The following KRAS variants were observed in gnomAD, a reference collection of about 807,000 sequenced individuals.
KRAS encodes the protein KRas proto-oncogene, GTPase, also known as GTPase KRas.
Under a neutral mutation model 21.0 loss-of-function variants are expected in KRAS, and 1 was observed. The ratio of observed to expected loss-of-function variants is 0.05; its 90% confidence interval spans 0.02 to 0.23. The LOEUF is 0.23. Ranked by LOEUF, KRAS falls within the 10% of genes least tolerant of loss-of-function variation. The probability of loss-of-function intolerance (pLI) is 1.00; values close to 1 mark genes in which losing one functional copy is unlikely to be tolerated. For synonymous variants in KRAS, 67 were observed against 72.5 expected (o/e 0.92, Z 0.39); for missense variants, 107 against 221.8 (o/e 0.48, Z 3.29).
chr12:25,241,702 T>C (rs1951612489), intron 2 of KRAS, among the ~76,000 whole-genome samples: 1 of 152,168 alleles, frequency 6.6e-6, no homozygotes, highest in Non-Finnish European at 1.5e-5. Context: ...AAGTTTAATA[T>C]TAGGTTGGTG....
intron 1 of KRAS, among the ~76,000 whole-genome samples, chr12:25,249,046 T>C (rs1455980100): frequency 6.6e-6 from 1 of 152,242 alleles, no homozygotes; most frequent in African/African-American, 2.4e-5. Flanking sequence ...TGATTTCTAT[T>C]ATAAACATAA....
At chr12:25,245,444 A>G (rs958813374) in intron 1 of KRAS, 49 bp from the exon 2 acceptor site, 1 of 1,515,192 alleles carries the variant, frequency 6.6e-7, no homozygotes, top group East Asian at 2.4e-5. Context: ...CATGTCACAC[A>G]TAAGGTTAAT....
chr12:25,224,027 T>C (rs935403434), intron 4 of KRAS, among the ~76,000 whole-genome samples: 5 of 152,044 alleles, frequency 3.3e-5, no homozygotes, highest in African/African-American at 9.7e-5. Context: ...TAAAAGTTCC[T>C]ATTGCTTAGT....
chr12:25,215,739 T>C (rs1236549422), intron 4 of KRAS, among the ~76,000 whole-genome samples: 2 of 152,104 alleles, frequency 1.3e-5, no homozygotes, highest in African/African-American at 4.8e-5. Context: ...AGAATCCTGG[T>C]TTGTTCTTAA....
In KRAS at chr12:25,213,597, T is replaced by C. The variant is rs147444716; in HGVS notation, c.451-3686A>G. On this transcript the variant is annotated intron_variant, in intron 4 of 4. Transcript: ENST00000311936. ...TTTGTTTCTGAGTTTAGTAGATTAGTACACCACGTAGTATCTTTTGGGATT... is the reference window on the plus strand; with the variant it reads ...TTTGTTTCTGAGTTTAGTAGATTAGCACACCACGTAGTATCTTTTGGGATT... Among the ~76,000 whole-genome samples the C allele has an allele frequency of 6.3e-4, 96 of 152,352 alleles. 2 individuals carry two copies. Among genetic ancestry groups the C allele is most frequent in the Middle Eastern group, 6.8e-3 (2 of 294 alleles).
intron 1 of KRAS, among the ~76,000 whole-genome samples, chr12:25,248,761 C>A (rs1592827026): frequency 6.6e-6 from 1 of 152,032 alleles, no homozygotes; most frequent in Non-Finnish European, 1.5e-5. Flanking sequence ...AAGGAGTGGA[C>A]TGGACTCGAA....
At chr12:25,225,576 G>A (rs374667837) in intron 4 of KRAS, 38 bp downstream of exon 4, 3 of 1,586,612 alleles carry the variant, frequency 1.9e-6, no homozygotes, top group Middle Eastern at 1.8e-4. Flanking sequence ...TTATGATTTT[G>A]CAGAAAACAG....
In KRAS at chr12:25,241,348, A is replaced by C. The variant is rs146813978; in HGVS notation, c.111+3926T>G. 2.0e-5 allele frequency among the ~76,000 whole-genome samples: 3 copies of C among 152,338 alleles called. No homozygotes were observed. In the East Asian group the frequency reaches 5.8e-4, roughly 29 times the overall value. On this transcript the variant is annotated intron_variant, in intron 2 of 4. Transcript: ENST00000311936. ...ACTTAGGATTTCACTGTTACTTGTT[A>C]TAAAGCAAATAATTTGACCAGTAGA...
At chr12:25,213,148 C>T (rs1057508943) in intron 4 of KRAS, among the ~76,000 whole-genome samples, 1 of 152,084 alleles carries the variant, frequency 6.6e-6, no homozygotes, top group Non-Finnish European at 1.5e-5. Flanking sequence ...ATTACTTCCA[C>T]GTGTACTGAA....
At chr12:25,211,967 G>A (rs1049145350) in intron 4 of KRAS, among the ~76,000 whole-genome samples, 10 of 152,196 alleles carry the variant, frequency 6.6e-5, no homozygotes, top group African/African-American at 2.4e-4. Context: ...TAATTTATCA[G>A]CAATACAATA....
At chr12:25,217,072 T>A (rs1399820994) in intron 4 of KRAS, among the ~76,000 whole-genome samples, 2 of 152,218 alleles carry the variant, frequency 1.3e-5, no homozygotes, top group Non-Finnish European at 2.9e-5. Flanking sequence ...CATCAATGTT[T>A]CTACTGAACC....
intron 1 of KRAS, among the ~76,000 whole-genome samples, chr12:25,248,203 G>A (rs1262083457): frequency 6.6e-6 from 1 of 151,234 alleles, no homozygotes; most frequent in African/African-American, 2.4e-5. Flanking sequence ...GTGGTGGCCT[G>A]TAATCCCAGC....
At chr12:25,247,147 TAAG>T (rs1169609318) in intron 1 of KRAS, among the ~76,000 whole-genome samples, 7 of 152,072 alleles carry the variant, frequency 4.6e-5, no homozygotes, top group Non-Finnish European at 1.0e-4. Flanking sequence ...TAATTATAAA[TAAG>T]GAGAGAAATG....
At chr12:25,218,471 T>C (rs1368193709) in intron 4 of KRAS, among the ~76,000 whole-genome samples, 1 of 152,120 alleles carries the variant, frequency 6.6e-6, no homozygotes, top group Non-Finnish European at 1.5e-5. Context: ...GAAGAGATTA[T>C]TATCCACCAC....
intron 4 of KRAS, among the ~76,000 whole-genome samples, chr12:25,218,986 C>T (rs1053213183): frequency 1.3e-5 from 2 of 150,448 alleles, no homozygotes; most frequent in Non-Finnish European, 2.9e-5. Flanking sequence ...GCCGCCCAGG[C>T]TGGACTGCAG....
chr12:25,218,912 GTTTT>G (rs972152272), intron 4 of KRAS, among the ~76,000 whole-genome samples: 8 of 109,362 alleles, frequency 7.3e-5, no homozygotes, highest in African/African-American at 2.2e-4. Flanking sequence ...TTTTGTGGGG[GTTTT>G]TTGTTTTTTT....
chr12:25,225,647 A>G lies in KRAS; in HGVS notation c.417T>C (p.Ile139=), dbSNP rs1555193843. ...QAQDLARSYG[I]PFIETSAKTR... ...TCTTTGCTGATGTTTCAATAAAAGG[A>G]ATTCCATAACTTCTTGCTAAGTCCT... Residue 139 remains isoleucine (I), a synonymous_variant, in exon 4 of 5, where the codon ATT becomes ATC. Coordinates refer to ENST00000311936, the MANE Select transcript of KRAS (RefSeq NM_004985.5). 6.2e-7 allele frequency: 1 copy of G among 1,613,144 alleles called. No homozygotes were observed. The highest frequency in any genetic ancestry group is 1.3e-5 in the African/African-American group (1 of 74,892).
chr12:25,242,717 G>A (rs771849106), intron 2 of KRAS, among the ~76,000 whole-genome samples: 11 of 152,102 alleles, frequency 7.2e-5, no homozygotes, highest in Non-Finnish European at 1.0e-4. Context: ...TTACAAATCT[G>A]AATTAGTCTC....
chr12:25,227,426 AAC>A lies in KRAS; in HGVS notation c.112-16_112-15del, dbSNP rs1258096737. The A allele has an allele frequency of 2.5e-6, 4 of 1,613,080 alleles. No homozygotes were observed. Among genetic ancestry groups the A allele is most frequent in the African/African-American group, 2.7e-5 (2 of 74,900 alleles). ...CCTGTAGGAATCCTGAGAAGGGAGA[AAC>A]ACAGTCTGGATTATTACAGTGCACC... On this transcript the variant is annotated splice_polypyrimidine_tract_variant and intron_variant, in intron 2 of 4. Coordinates refer to ENST00000311936, the MANE Select transcript of KRAS (RefSeq NM_004985.5).
Sources: allele counts gnomAD v4.1 joint callset (sites outside exome capture counted in the v4.1 genomes callset), GRCh38; gene constraint gnomAD v4.1.1; transcripts MANE v1.5; gene names NCBI Gene and HGNC (gene_info 2026-07-23, HGNC 2026-07-21).